ZFP14: variants seen among roughly 807,000 people sequenced by gnomAD.
The protein encoded by ZFP14 is ZFP14 zinc finger protein.
A neutral mutation model predicts 54.5 loss-of-function variants in ZFP14; 22 were observed. The observed-to-expected ratio is 0.40, with a 90% CI of 0.29 to 0.58. The LOEUF (loss-of-function observed/expected upper bound fraction) is 0.58. Ranked by LOEUF, ZFP14 falls within the 20% of genes least tolerant of loss-of-function variation. ZFP14 has a pLI of 0.39. For synonymous variants in ZFP14, 159 were observed against 204.0 expected, an observed-to-expected ratio of 0.78 and a Z score of 1.88; for missense variants, 470 against 637.8, an observed-to-expected ratio of 0.74 and a Z score of 2.83.
At chr19:36,368,560 T>C (rs1423666922) in intron 1 of ZFP14, among the ~76,000 whole-genome samples, 4 of 152,230 alleles carry the variant, frequency 2.6e-5, no homozygotes, top group African/African-American at 9.6e-5. Flanking sequence ...GGTCGCCCTC[T>C]AGCAATGTGG....
At chr19:36,358,052 CTAT>C (rs2031646743) in intron 4 of ZFP14, among the ~76,000 whole-genome samples, 1 of 142,828 alleles carries the variant, frequency 7.0e-6, no homozygotes, top group Non-Finnish European at 1.5e-5. Flanking sequence ...TCTGATCTAT[CTAT>C]CTATCTATCT....
In ZFP14 at chr19:36,341,155, C is replaced by A; in HGVS notation, c.671G>T (p.Gly224Val). The part of the protein sequence containing the change: ...HLIRHHKLHT[G>V]EKPYECKECG... ...CTCCTTACATTCATAGGGTTTCTCA[C>A]CGGTGTGAAGTTTGTGATGTCGAAT... The change falls in exon 5 of 5, where the codon GGT becomes GTT. Residue 224 changes from glycine to valine, a missense_variant. Gly to Val is a moderately radical substitution (Grantham distance 109). Transcript: ENST00000270001. The surrounding 1 kb of genome is among the most constrained non-coding windows in gnomAD (Gnocchi z 4.2). 6.2e-7 allele frequency: 1 copy of A among 1,614,166 alleles called. No homozygotes were observed. The highest frequency in any genetic ancestry group is 8.5e-7 in the Non-Finnish European group (1 of 1,180,024).
chr19:36,363,090 G>C (rs1336021414), intron 2 of ZFP14, among the ~76,000 whole-genome samples: 1 of 150,730 alleles, frequency 6.6e-6, no homozygotes, highest in Non-Finnish European at 1.5e-5. Flanking sequence ...ATCATCTCTT[G>C]AACATTGTTT....
chr19:36,378,900 C>T (rs1044746330), intron 1 of ZFP14: 3 of 152,274 alleles, frequency 2.0e-5, no homozygotes, highest in Non-Finnish European at 2.9e-5. Flanking sequence ...TCGGGTAAAG[C>T]TGTGCAATCT....
At chr19:36,364,468 C>T (rs1600081344) in intron 2 of ZFP14, among the ~76,000 whole-genome samples, 1 of 152,132 alleles carries the variant, frequency 6.6e-6, no homozygotes, top group Non-Finnish European at 1.5e-5. Context: ...TTGAGGACGA[C>T]GAGGGGTGTA....
chr19:36,342,833 G>A (rs754980509), intron 4 of ZFP14, among the ~76,000 whole-genome samples: 7 of 152,090 alleles, frequency 4.6e-5, no homozygotes, highest in Non-Finnish European at 8.8e-5. Flanking sequence ...CATGTAGAAG[G>A]CCTTTGTCTT....
rs899962465 is a variant in ZFP14, at chr19:36,341,994, G to C, written c.236-404C>G. On this transcript the variant is annotated intron_variant, in intron 4 of 4. Coordinates refer to ENST00000270001, the MANE Select transcript of ZFP14 (RefSeq NM_020917.3). This position sits in a 1 kb window ranked among gnomAD's most constrained non-coding sequence, Gnocchi z 4.2. Reference sequence around the variant, plus strand: ...AGCCTCCCAAGTAGCTGGGACTACCGGCACCTGCCACCACGCCCGGCTAAT... The same window carrying C: ...AGCCTCCCAAGTAGCTGGGACTACCCGCACCTGCCACCACGCCCGGCTAAT... Among the ~76,000 whole-genome samples, 1 of 151,686 alleles carries C rather than the reference G, an allele frequency of 6.6e-6. No individual in the cohort carries two copies. Among genetic ancestry groups the C allele is most frequent in the Non-Finnish European group, 1.5e-5 (1 of 67,994 alleles).
Position 36,341,120 on chromosome 19 carries a change from C to T in ZFP14, c.706G>A (p.Ala236Thr), listed in dbSNP as rs868113218. The change falls in exon 5 of 5, where the codon GCC (alanine) becomes ACC (threonine). Residue 236 changes from alanine (A) to threonine (T), a missense_variant. By Grantham distance (58) the Ala-to-Thr change is moderately conservative (BLOSUM62 0). Transcript: ENST00000270001. The surrounding 1 kb of genome is among the most constrained non-coding windows in gnomAD (Gnocchi z 4.2). ...GTAAGTTCTTGGAGCACTGTAAAGG[C>T]CTTCCCACACTCCTTACATTCATAG... is the stretch of plus-strand genomic sequence containing the variant. ...KPYECKECGK[A>T]FTVLQELTQH... is the part of the protein sequence containing the mutation. 1.9e-6 allele frequency: 3 copies of T among 1,613,784 alleles called. No individual in the cohort carries two copies. Among genetic ancestry groups the T allele is most frequent in the Non-Finnish European group, 2.5e-6 (3 of 1,179,928 alleles).
intron 1 of ZFP14, 76 bp downstream of exon 1, chr19:36,379,087 C>T (rs993685164): frequency 2.6e-5 from 4 of 152,568 alleles, no homozygotes; most frequent in African/African-American, 7.2e-5. Context: ...GCTACTGCCT[C>T]CTGGCTCACA....
chr19:36,367,515 C>G (rs2031813066), intron 2 of ZFP14, among the ~76,000 whole-genome samples: 1 of 151,990 alleles, frequency 6.6e-6, no homozygotes, highest in Non-Finnish European at 1.5e-5. Context: ...GTGTCTTGCT[C>G]TGTCGCCCCA....
chr19:36,372,263 G>A (rs1417950425), intron 1 of ZFP14, among the ~76,000 whole-genome samples: 1 of 150,374 alleles, frequency 6.7e-6, no homozygotes, highest in Non-Finnish European at 1.5e-5. Context: ...AGAAATAAAT[G>A]ACACAGACCA....
chr19:36,356,852 T>G (rs1283857462), intron 4 of ZFP14, among the ~76,000 whole-genome samples: 1 of 152,146 alleles, frequency 6.6e-6, no homozygotes, highest in Non-Finnish European at 1.5e-5. Flanking sequence ...GGTATTGGTG[T>G]GCCTTTCAAT....
At chr19:36,377,374 A>G (rs2031978834) in intron 1 of ZFP14, among the ~76,000 whole-genome samples, 4 of 151,934 alleles carry the variant, frequency 2.6e-5, no homozygotes, top group Non-Finnish European at 5.9e-5. Flanking sequence ...ACATAAGGAG[A>G]CCTCATTTCT....
intron 4 of ZFP14, among the ~76,000 whole-genome samples, chr19:36,347,490 G>A (rs1306869956): frequency 1.3e-5 from 2 of 151,800 alleles, no homozygotes. Flanking sequence ...GGCGCCTATA[G>A]TCCCAGTTAC....
At chr19:36,343,584 T>G (rs2145541228) in intron 4 of ZFP14, among the ~76,000 whole-genome samples, 1 of 152,338 alleles carries the variant, frequency 6.6e-6, no homozygotes, top group Non-Finnish European at 1.5e-5. Flanking sequence ...CATTTTCTGT[T>G]GCTTATAATG....
chr19:36,361,252 C>G (rs940178329), intron 3 of ZFP14, among the ~76,000 whole-genome samples: 5 of 151,966 alleles, frequency 3.3e-5, no homozygotes, highest in African/African-American at 1.2e-4. Context: ...AGGGTTTTTT[C>G]TGTTTGAGAC....
chr19:36,377,110 T>G (rs796897057), intron 1 of ZFP14, among the ~76,000 whole-genome samples: 1 of 152,166 alleles, frequency 6.6e-6, no homozygotes. Flanking sequence ...CCCCATCGTA[T>G]TGTCACTCCT....
At chr19:36,376,833 G>A (rs1457017425) in intron 1 of ZFP14, among the ~76,000 whole-genome samples, 1 of 152,148 alleles carries the variant, frequency 6.6e-6, no homozygotes, top group Non-Finnish European at 1.5e-5. Flanking sequence ...TTTTGCAGAT[G>A]ATGAAACTGT....
chr19:36,340,855 C>T lies in ZFP14; in HGVS notation c.971G>A (p.Gly324Asp). The stretch of plus-strand genomic sequence containing the variant: ...TTTCTGATGTACTCTAAGGTCTGGA[C>T]CACATACGAAGGCTTTCCCACATTC... ...CKECGKAFVC[G>D]PDLRVHQKIH... Residue 324 changes from glycine (G) to aspartate (D), a missense_variant, in exon 5 of 5, where the codon GGT (glycine) becomes GAT (aspartate). Gly to Asp is a moderately conservative substitution (Grantham distance 94, BLOSUM62 -1). Transcript: ENST00000270001. This position sits in a 1 kb window ranked among gnomAD's most constrained non-coding sequence, Gnocchi z 5.4. 1 of 1,613,676 alleles carries T rather than the reference C, an allele frequency of 6.2e-7. No individual in the cohort carries two copies. Among genetic ancestry groups the T allele is most frequent in the Non-Finnish European group, 8.5e-7 (1 of 1,179,956 alleles).
Sources: gnomAD v4.1 joint callset for allele counts (sites outside exome capture counted in the v4.1 genomes callset) on GRCh38, gnomAD v4.1.1 for gene constraint, Gnocchi (gnomAD v3.1) non-coding constraint, MANE v1.5 for transcripts, NCBI Gene and HGNC (gene_info 2026-07-23, HGNC 2026-07-21) for gene names.